The following KIAA1549L variants were observed in gnomAD, a reference collection of about 807,000 sequenced individuals.
The protein encoded by KIAA1549L is KIAA1549 like.
A neutral mutation model predicts 160.7 loss-of-function variants in KIAA1549L; 88 were observed. The ratio of observed to expected loss-of-function variants is 0.55; its 90% CI spans 0.46 to 0.65. KIAA1549L has a LOEUF of 0.65. Among genes scored for constraint, KIAA1549L ranks in the 30% least tolerant of loss-of-function variants. KIAA1549L has a pLI of 0.00. For missense variants in KIAA1549L, 2,258 were observed against 2,437.5 expected (o/e 0.93, Z 1.55); for synonymous variants, 950 against 976.7 (o/e 0.97, Z 0.51).
intron 1 of KIAA1549L, among the ~76,000 whole-genome samples, chr11:33,451,867 A>G (rs1306765637): frequency 3.9e-5 from 6 of 152,192 alleles, no homozygotes; most frequent in African/African-American, 1.4e-4. Context: ...GGACTCCTCT[A>G]GAGTTCAAGA....
rs1849949442 is a variant in KIAA1549L, at chr11:33,376,242, G to T, written c.-410G>T. On this transcript the variant is annotated 5_prime_UTR_variant, in exon 1 of 21. Coordinates refer to ENST00000658780, the MANE Select transcript of KIAA1549L (RefSeq NM_012194.3). This position sits in a 1 kb window ranked among gnomAD's most constrained non-coding sequence, Gnocchi z 5.8. Reference sequence around the variant, plus strand: ...GACAGCGGGGCGCCGAGGCTGCAGCGGCGGCGGGAGGGAGGGACCCGAGCG... The same window carrying T: ...GACAGCGGGGCGCCGAGGCTGCAGCTGCGGCGGGAGGGAGGGACCCGAGCG... Among the ~76,000 whole-genome samples the T allele has an allele frequency of 6.7e-6, 1 of 148,388 alleles. No homozygotes were observed. Among genetic ancestry groups the T allele is most frequent in the African/African-American group, 2.5e-5 (1 of 40,812 alleles).
At chr11:33,551,859 A>T (rs184955461) in intron 5 of KIAA1549L, among the ~76,000 whole-genome samples, 151 of 152,262 alleles carry the variant, frequency 9.9e-4, no homozygotes, top group African/African-American at 3.5e-3. Context: ...TATTCCAATC[A>T]AATAAAATCA....
intron 9 of KIAA1549L, among the ~76,000 whole-genome samples, chr11:33,571,175 C>T (rs868634861): frequency 6.6e-6 from 1 of 152,140 alleles, no homozygotes; most frequent in African/African-American, 2.4e-5. Context: ...CCCAGCTACT[C>T]GGGAGGCTGA....
intron 16 of KIAA1549L, among the ~76,000 whole-genome samples, 171 bp downstream of exon 16, chr11:33,618,833 G>A (rs1478640883): frequency 1.3e-5 from 2 of 152,240 alleles, no homozygotes; most frequent in Admixed American, 1.3e-4. Flanking sequence ...TACTTGGAAT[G>A]TGTCAGAGTA....
chr11:33,644,835 G>A (rs747230332), intron 16 of KIAA1549L, among the ~76,000 whole-genome samples: 2 of 152,172 alleles, frequency 1.3e-5, no homozygotes, highest in Non-Finnish European at 2.9e-5. Flanking sequence ...ATTCATGCAC[G>A]TCCAGACTGG....
intron 1 of KIAA1549L, among the ~76,000 whole-genome samples, chr11:33,457,679 A>G (rs534451471): frequency 1.4e-4 from 21 of 152,320 alleles, no homozygotes; most frequent in Middle Eastern, 3.4e-3. Context: ...ACAAGCATTC[A>G]TTGAGCCCAC....
chr11:33,452,600 T>G (rs996297706), intron 1 of KIAA1549L, among the ~76,000 whole-genome samples: 2 of 151,176 alleles, frequency 1.3e-5, no homozygotes, highest in Non-Finnish European at 2.9e-5. Context: ...AGAGTGAGAC[T>G]CCATCTCAAA....
chr11:33,553,647 A>AG (rs1035208616), intron 6 of KIAA1549L, among the ~76,000 whole-genome samples: 271 of 152,312 alleles, frequency 1.8e-3, no homozygotes, highest in African/African-American at 6.3e-3. Flanking sequence ...GATTTATGTA[A>AG]GGAGTGTGAC....
At chr11:33,508,717 T>A (rs755077991) in intron 1 of KIAA1549L, among the ~76,000 whole-genome samples, 3 of 152,174 alleles carry the variant, frequency 2.0e-5, no homozygotes, top group Non-Finnish European at 4.4e-5. Context: ...GAGAAGTAGG[T>A]ACATTTACTG....
chr11:33,534,743 A>G (rs1853855406), intron 1 of KIAA1549L, among the ~76,000 whole-genome samples: 1 of 152,052 alleles, frequency 6.6e-6, no homozygotes, highest in Non-Finnish European at 1.5e-5. Context: ...TTCATGACTC[A>G]TTCTCTATGA....
rs753047276 is a variant in KIAA1549L at position 33,551,391 on chromosome 11, G to A, written c.3721+132G>A. The A allele has an allele frequency of 3.6e-5, 26 of 723,902 alleles. No homozygotes were observed. The African/African-American group carries it at 4.0e-4, about 11-fold the overall frequency. 44.8% of individuals were successfully genotyped at this position (723,902 alleles called of 1,614,324 possible). A position where few individuals can be genotyped will look rare whatever the true frequency, so the allele number is the denominator to read the frequency against. ...AGTCCCTGTGAACCTTCTTCAAAGGGTCCTGCTAATCAAATGTCCCAGTTC... is the reference window on the plus strand; with the variant it reads ...AGTCCCTGTGAACCTTCTTCAAAGGATCCTGCTAATCAAATGTCCCAGTTC... On this transcript the variant is annotated intron_variant, in intron 5 of 20. Transcript: ENST00000658780.
At chr11:33,532,237 A>T (rs1853790673) in intron 1 of KIAA1549L, among the ~76,000 whole-genome samples, 1 of 152,246 alleles carries the variant, frequency 6.6e-6, no homozygotes, top group South Asian at 2.1e-4. Flanking sequence ...GGTGATAGAT[A>T]TGAAAATATC....
At chr11:33,451,812 C>G (rs1192597335) in intron 1 of KIAA1549L, among the ~76,000 whole-genome samples, 4 of 152,216 alleles carry the variant, frequency 2.6e-5, no homozygotes, top group African/African-American at 9.6e-5. Context: ...GAACAAGTCC[C>G]TAAACAGCCA....
chr11:33,552,748 T>G (rs1854510092), intron 6 of KIAA1549L, among the ~76,000 whole-genome samples: 1 of 151,824 alleles, frequency 6.6e-6, no homozygotes. Context: ...GGAACTGTGC[T>G]AAGTGTTTTA....
At chr11:33,583,612 C>A in intron 11 of KIAA1549L, 111 bp downstream of exon 11, 1 of 974,484 alleles carries the variant, frequency 1.0e-6, no homozygotes, top group Admixed American at 2.9e-5. Flanking sequence ...AACATCAGGG[C>A]AGGTCCTCAT....
chr11:33,399,013 C>T (rs1046068494), intron 1 of KIAA1549L, among the ~76,000 whole-genome samples: 2 of 150,786 alleles, frequency 1.3e-5, no homozygotes, highest in Non-Finnish European at 2.9e-5. Context: ...AGTTCAGTGG[C>T]ACAATCTCTG....
intron 1 of KIAA1549L, among the ~76,000 whole-genome samples, chr11:33,478,684 C>T (rs575997166): frequency 3.3e-5 from 5 of 152,202 alleles, no homozygotes; most frequent in Non-Finnish European, 7.3e-5. Flanking sequence ...TTCACTTGAA[C>T]TATCTCATTT....
chr11:33,637,258 C>T (rs897803027), intron 16 of KIAA1549L, among the ~76,000 whole-genome samples: 4 of 152,224 alleles, frequency 2.6e-5, no homozygotes, highest in African/African-American at 7.2e-5. Flanking sequence ...CTCACCTACC[C>T]CTTGTCTGTC....
At chr11:33,597,563 A>G (rs999472628) in intron 12 of KIAA1549L, among the ~76,000 whole-genome samples, 1 of 152,226 alleles carries the variant, frequency 6.6e-6, no homozygotes, top group South Asian at 2.1e-4. Context: ...AGAGGCCGCT[A>G]GATACCTGCC....
Sources: allele counts gnomAD v4.1 joint callset (sites outside exome capture counted in the v4.1 genomes callset), GRCh38; gene constraint gnomAD v4.1.1; non-coding constraint Gnocchi (gnomAD v3.1); transcripts MANE v1.5; gene names NCBI Gene and HGNC (gene_info 2026-07-23, HGNC 2026-07-21).